Variants in PIEZO1 observed in about 807,000 individuals in gnomAD.
The protein encoded by PIEZO1 is piezo-type mechanosensitive ion channel component 1.
PIEZO1 carries 296 observed loss-of-function variants against 297.2 expected under a neutral mutation model. The observed-to-expected ratio is 1.00, with a 90% confidence interval of 0.91 to 1.10. The LOEUF (loss-of-function observed/expected upper bound fraction) is 1.10. Among genes scored for constraint, PIEZO1 ranks in the 50% least tolerant of loss-of-function variants. The pLI, the probability that PIEZO1 is intolerant of heterozygous loss-of-function variation, is 0.00. For synonymous variants in PIEZO1, 2,427 were observed against 1,507.5 expected (o/e 1.61, Z -14.13); for missense variants, 5,018 against 3,455.5 (o/e 1.45, Z -11.34).
Position 88,734,249 on chromosome 16 carries a change from G to C in PIEZO1, c.2180+107C>G, listed in dbSNP as rs1005752674. On this transcript the variant is annotated intron_variant, in intron 16 of 50. Transcript: ENST00000301015. ...CCTTGGTATGAGCAAATGCCCCTTGGGATCTGAAGGTGGAAGATGTGGCTC... is the reference window on the plus strand; with the variant it reads ...CCTTGGTATGAGCAAATGCCCCTTGCGATCTGAAGGTGGAAGATGTGGCTC... The C allele has an allele frequency of 2.9e-5, 36 of 1,234,532 alleles. No individual in the cohort carries two copies. In the African/African-American group the frequency reaches 5.3e-4, roughly 18 times the overall value. 76.5% of individuals were successfully genotyped at this position (1,234,532 alleles called of 1,614,324 possible). A position where few individuals can be genotyped will look rare whatever the true frequency, so the allele number is the denominator to read the frequency against.
rs1912360534 is a variant in PIEZO1, at chr16:88,720,543, G to A, written c.5802-11C>T. The A allele has an allele frequency of 6.5e-7, 1 of 1,549,216 alleles. No homozygotes were observed. The highest frequency in any genetic ancestry group is 8.7e-7 in the Non-Finnish European group (1 of 1,146,848). ...TATGTGCCCTGGGCCCTGCGGAAGG[G>A]GGCGCTCAGCCTGGGCCCAGTACCC... is the stretch of plus-strand genomic sequence containing the variant. On this transcript the variant is annotated splice_polypyrimidine_tract_variant and intron_variant, in intron 40 of 50. Transcript: ENST00000301015.
chr16:88,717,857 G>T (rs976216698), intron 44 of PIEZO1: 1 of 430,118 alleles, frequency 2.3e-6, no homozygotes, highest in Non-Finnish European at 4.6e-6. Context: ...CAACTGCTGG[G>T]TGTGGCGGCT....
chr16:88,777,446 G>A (rs527289496), intron 1 of PIEZO1, among the ~76,000 whole-genome samples: 60 of 151,908 alleles, frequency 3.9e-4, no homozygotes, highest in African/African-American at 1.4e-3. Flanking sequence ...CACATTGCGG[G>A]GTCCTCACTG....
At chr16:88,775,643 C>T (rs1334096161) in intron 1 of PIEZO1, among the ~76,000 whole-genome samples, 3 of 146,042 alleles carry the variant, frequency 2.1e-5, no homozygotes, top group Admixed American at 7.2e-5. Flanking sequence ...GCAGGAGAAT[C>T]GGTTGAACCA....
At chr16:88,772,961 G>A (rs925759790) in intron 1 of PIEZO1, among the ~76,000 whole-genome samples, 2 of 152,188 alleles carry the variant, frequency 1.3e-5, no homozygotes, top group Admixed American at 6.5e-5. Context: ...GTGAGTGGAG[G>A]CACATGGCTT....
chr16:88,736,948 G>A, intron 10 of PIEZO1: 1 of 464,614 alleles, frequency 2.2e-6, no homozygotes, highest in Non-Finnish European at 3.8e-6. Context: ...CCGTTCTCTG[G>A]GCCTCACTTT....
intron 1 of PIEZO1, among the ~76,000 whole-genome samples, chr16:88,778,906 T>C (rs1029181236): frequency 1.3e-5 from 2 of 152,164 alleles, no homozygotes; most frequent in African/African-American, 4.8e-5. Context: ...CCGTTCCAGC[T>C]GGGAGAGAGA....
At position 88,785,003 on chromosome 16, in the gene PIEZO1, G is replaced by T. The variant is rs1033647768; in HGVS notation, c.-39C>A. 24 of 1,196,090 alleles carry T rather than the reference G, an allele frequency of 2.0e-5. No individual in the cohort carries two copies. The highest frequency in any genetic ancestry group is 2.4e-5 in the Non-Finnish European group (23 of 959,498). 74.1% of individuals were successfully genotyped at this position (1,196,090 alleles called of 1,614,324 possible). A position where few individuals can be genotyped will look rare whatever the true frequency, so the allele number is the denominator to read the frequency against. ...AGGGCCCGGCCCAGACCGAGCGGAC[G>T]CCGCGGCGCTATGGGGCGGTGCGGG... On this transcript the variant is annotated 5_prime_UTR_variant, in exon 1 of 51. Transcript: ENST00000301015.
Position 88,722,826 on chromosome 16 carries a change from G to A in PIEZO1, c.4668+11C>T. 6.5e-7 allele frequency: 1 copy of A among 1,543,132 alleles called. No individual in the cohort carries two copies. Among genetic ancestry groups the A allele is most frequent in the Non-Finnish European group, 8.7e-7 (1 of 1,146,100 alleles). ...AGAGCAGGGACGAGCGTGGTGCACGGGCAGGCTCACCTGCAGGAGCTCCTG... is the reference window on the plus strand; with the variant it reads ...AGAGCAGGGACGAGCGTGGTGCACGAGCAGGCTCACCTGCAGGAGCTCCTG... On this transcript the variant is annotated intron_variant, in intron 34 of 50. Transcript: ENST00000301015.
At chr16:88,727,509 G>A in intron 23 of PIEZO1, 48 bp downstream of exon 23, 1 of 740,078 alleles carries the variant, frequency 1.4e-6, no homozygotes, top group Non-Finnish European at 2.3e-6. Context: ...GGGCGTGAAT[G>A]TACTCTGAGG....
At chr16:88,734,593 C>A (rs779660967) in intron 15 of PIEZO1, 55 bp from the exon 16 acceptor site, 7 of 1,548,026 alleles carry the variant, frequency 4.5e-6, no homozygotes, top group Non-Finnish European at 6.1e-6. Flanking sequence ...CGCTGCAGCC[C>A]CGGGGAAGTG....
intron 21 of PIEZO1, 50 bp from the exon 22 acceptor site, chr16:88,731,960 G>GTCTGGGGGGAGGGC: frequency 6.8e-6 from 2 of 293,482 alleles, no homozygotes; most frequent in Non-Finnish European, 1.3e-5. Flanking sequence ...TCTGGGGGGA[G>GTCTGGGGGGAGGGC]GGACTTTCTT....
At position 88,716,109 on chromosome 16, in the gene PIEZO1, G is replaced by T; in HGVS notation, c.7140C>A (p.Ala2380=). ...PVKQLQPNEE[A]DYLGVRIQLR... ...GCTGGATACGCACGCCGAGGTAGTC[G>T]GCCTCCTCATCTGGGATGGAGGGAG... The change falls in exon 50 of 51, where the codon GCC becomes GCA. Residue 2380 remains alanine, a synonymous_variant. Transcript: ENST00000301015. 6.5e-7 allele frequency: 1 copy of T among 1,545,672 alleles called. No homozygotes were observed. Among genetic ancestry groups the T allele is most frequent in the Non-Finnish European group, 8.7e-7 (1 of 1,143,812 alleles).
At position 88,757,328 on chromosome 16, in the gene PIEZO1, G is replaced by GC. The variant is rs1491581226; in HGVS notation, c.65-7850_65-7849insG. On this transcript the variant is annotated intron_variant, in intron 1 of 50. Coordinates refer to ENST00000301015, the MANE Select transcript of PIEZO1 (RefSeq NM_001142864.4). ...CAGGGGGCGTTGCTGGCGGGGGGGT[G>GC]GGGGGTAGTTACCTAACCTGCCTGC... Among the ~76,000 whole-genome samples the GC allele has an allele frequency of 2.6e-4, 13 of 49,610 alleles. 1 individual carries two copies. Among genetic ancestry groups the GC allele is most frequent in the African/African-American group, 1.5e-3 (10 of 6,754 alleles). 32.5% of individuals were successfully genotyped at this position (49,610 alleles called of 152,430 possible). A position where few individuals can be genotyped will look rare whatever the true frequency, so the allele number is the denominator to read the frequency against.
Position 88,731,675 on chromosome 16 carries a change from C to A in PIEZO1, c.3196+31G>T, listed in dbSNP as rs184229578. ...CACGGGCATCCACAAAGCCACAAAGCCCACTCCCACCCAAGCCACGTGCCC... is the reference window on the plus strand; with the variant it reads ...CACGGGCATCCACAAAGCCACAAAGACCACTCCCACCCAAGCCACGTGCCC... On this transcript the variant is annotated intron_variant, in intron 22 of 50. Coordinates refer to ENST00000301015, the MANE Select transcript of PIEZO1 (RefSeq NM_001142864.4). The A allele has an allele frequency of 1.2e-5, 18 of 1,530,208 alleles. No individual in the cohort carries two copies. The African/African-American group carries it at 2.2e-4, about 19-fold the overall frequency. 94.8% of individuals were successfully genotyped at this position (1,530,208 alleles called of 1,614,324 possible).
At position 88,731,771 on chromosome 16, in the gene PIEZO1, A is replaced by T. The variant is rs560218689; in HGVS notation, c.3131T>A (p.Phe1044Tyr). ...CTGGTACAGCAGGAACAGCGCCAGG[A>T]AGAGGCAGTAGTTGGGCCAGAGGCG... ...IARLWPNYCL[F>Y]LALFLLYQYL... Residue 1044 changes from phenylalanine (F) to tyrosine (Y), a missense_variant, in exon 22 of 51, where the codon TTC (phenylalanine) becomes TAC (tyrosine). Physicochemically the swap from Phe to Tyr is conservative, Grantham distance 22. Coordinates refer to ENST00000301015, the MANE Select transcript of PIEZO1 (RefSeq NM_001142864.4). 2 of 1,549,670 alleles carry T rather than the reference A, an allele frequency of 1.3e-6. No individual in the cohort carries two copies. The highest frequency in any genetic ancestry group is 2.4e-5 in the South Asian group (2 of 84,024).
At position 88,715,541 on chromosome 16, in the gene PIEZO1, C is replaced by A. The variant is rs969290603; in HGVS notation, c.*64G>T. On this transcript the variant is annotated 3_prime_UTR_variant, in exon 51 of 51. Coordinates refer to ENST00000301015, the MANE Select transcript of PIEZO1 (RefSeq NM_001142864.4). ...GTGGCTCCCCCGGCCTGAGGAGTGC[C>A]GCCCCTTGTGGCCACGCTGCCCAGC... The A allele has an allele frequency of 1.4e-6, 2 of 1,478,544 alleles. No homozygotes were observed. Among genetic ancestry groups the A allele is most frequent in the African/African-American group, 2.8e-5 (2 of 71,954 alleles). 91.6% of individuals were successfully genotyped at this position (1,478,544 alleles called of 1,614,324 possible). A position where few individuals can be genotyped will look rare whatever the true frequency, so the allele number is the denominator to read the frequency against.
At chr16:88,722,803 A>AGCAGGGACGAGCGTGGT in intron 34 of PIEZO1, 34 bp downstream of exon 34, 1 of 1,538,300 alleles carries the variant, frequency 6.5e-7, no homozygotes, top group Non-Finnish European at 8.7e-7. Flanking sequence ...AGTCAGGCAG[A>AGCAGGGACGAGCGTGGT]GCAGGGACGA....
chr16:88,725,277 G>C (rs946878562), intron 29 of PIEZO1, 139 bp downstream of exon 29: 5 of 697,328 alleles, frequency 7.2e-6, no homozygotes, highest in East Asian at 2.9e-5. Context: ...GGGCCTGCCA[G>C]ACAGAGGGTG....
Sources: allele counts gnomAD v4.1 joint callset (sites outside exome capture counted in the v4.1 genomes callset), GRCh38; gene constraint gnomAD v4.1.1; transcripts MANE v1.5; gene names NCBI Gene and HGNC (gene_info 2026-07-23, HGNC 2026-07-21).